Variants in TADA2B observed in about 807,000 individuals in gnomAD.
TADA2B encodes the protein transcriptional adapter 2-beta.
In TADA2B, 13 loss-of-function variants were observed where a neutral mutation model predicts 34.5. The observed-to-expected ratio is 0.38, with a 90% CI of 0.25 to 0.60. The LOEUF is 0.60. Among genes scored for constraint, TADA2B ranks in the 20% least tolerant of loss-of-function variants. The pLI is 0.65. For synonymous variants in TADA2B, 240 were observed against 243.4 expected, an observed-to-expected ratio of 0.99 and a Z score of 0.13; for missense variants, 442 against 575.0, an observed-to-expected ratio of 0.77 and a Z score of 2.37.
intron 1 of TADA2B, among the ~76,000 whole-genome samples, chr4:7,050,697 G>A (rs899287302): frequency 2.0e-5 from 3 of 152,260 alleles, no homozygotes; most frequent in Non-Finnish European, 4.4e-5. Context: ...GCAAAGGCCT[G>A]CGTTCACTGC....
At chr4:7,050,639 G>T (rs1723744363) in intron 1 of TADA2B, among the ~76,000 whole-genome samples, 1 of 152,030 alleles carries the variant, frequency 6.6e-6, no homozygotes. Context: ...CGGGACAGGA[G>T]ATGCTCCGGA....
Position 7,054,047 on chromosome 4 carries a change from C to T in TADA2B, c.271-15C>T. 6.4e-7 allele frequency: 1 copy of T among 1,551,058 alleles called. No individual in the cohort carries two copies. Among genetic ancestry groups the T allele is most frequent in the Non-Finnish European group, 8.7e-7 (1 of 1,144,452 alleles). ...CCCTGATGGTGGAACTAACTTCTGC[C>T]CTTTGTCATCGTAGGAAGATATGGC... On this transcript the variant is annotated splice_polypyrimidine_tract_variant and intron_variant, in intron 1 of 1. Transcript: ENST00000310074.
Position 7,057,772 on chromosome 4 carries a change from C to T in TADA2B, c.*2718C>T, listed in dbSNP as rs1406989697. 8.3e-6 allele frequency: 1 copy of T among 120,088 alleles called. No homozygotes were observed. Among genetic ancestry groups the T allele is most frequent in the African/African-American group, 2.8e-5 (1 of 35,234 alleles). 7.4% of individuals were successfully genotyped at this position (120,088 alleles called of 1,614,324 possible). On this transcript the variant is annotated 3_prime_UTR_variant, in exon 2 of 2. Coordinates refer to ENST00000310074, the MANE Select transcript of TADA2B (RefSeq NM_152293.3). ...ACTACACTCCAGCCTGGTGACAGAGCAAGACTCCATCTCAAAAAAAATCTA... is the reference window on the plus strand; with the variant it reads ...ACTACACTCCAGCCTGGTGACAGAGTAAGACTCCATCTCAAAAAAAATCTA...
At chr4:7,044,961 C>G (rs1467025163) in intron 1 of TADA2B, 2 of 152,282 alleles carry the variant, frequency 1.3e-5, no homozygotes, top group South Asian at 2.1e-4. Flanking sequence ...AGAGAAGATG[C>G]TCCTTTACAA....
At position 7,056,840 on chromosome 4, in the gene TADA2B, G is replaced by A. The variant is rs1197372907; in HGVS notation, c.*1786G>A. 2 of 152,244 alleles carry A rather than the reference G, an allele frequency of 1.3e-5. No homozygotes were observed. Among genetic ancestry groups the A allele is most frequent in the African/African-American group, 4.8e-5 (2 of 41,454 alleles). 9.4% of individuals were successfully genotyped at this position (152,244 alleles called of 1,614,324 possible). Reference sequence around the variant, plus strand: ...TGAACAGTGATGGAGATGGTGCTAAGTTTTTACAGTTGTCTTAGCCCCAGT... The same window carrying A: ...TGAACAGTGATGGAGATGGTGCTAAATTTTTACAGTTGTCTTAGCCCCAGT... On this transcript the variant is annotated 3_prime_UTR_variant, in exon 2 of 2. Coordinates refer to ENST00000310074, the MANE Select transcript of TADA2B (RefSeq NM_152293.3).
chr4:7,044,400 A>G (rs942656505), intron 1 of TADA2B, among the ~76,000 whole-genome samples: 1 of 152,192 alleles, frequency 6.6e-6, no homozygotes, highest in Non-Finnish European at 1.5e-5. Flanking sequence ...CCCACAACCC[A>G]CGACCTTGTG....
chr4:7,048,662 A>T (rs1723694504), intron 1 of TADA2B, among the ~76,000 whole-genome samples: 1 of 152,196 alleles, frequency 6.6e-6, no homozygotes, highest in South Asian at 2.1e-4. Flanking sequence ...AGTGTTGTAC[A>T]GCCATCACCA....
chr4:7,050,793 C>G (rs1044841248), intron 1 of TADA2B, among the ~76,000 whole-genome samples: 1 of 152,256 alleles, frequency 6.6e-6, no homozygotes, highest in African/African-American at 2.4e-5. Flanking sequence ...CAGCGTCCGG[C>G]TTCGCTCTGC....
intron 1 of TADA2B, among the ~76,000 whole-genome samples, chr4:7,049,471 C>T (rs1577215883): frequency 6.6e-6 from 1 of 152,232 alleles, no homozygotes; most frequent in Non-Finnish European, 1.5e-5. Flanking sequence ...AGGTGTCAGT[C>T]ACCTTGAGGG....
At chr4:7,052,439 C>A (rs534850270) in intron 1 of TADA2B, among the ~76,000 whole-genome samples, 1 of 152,206 alleles carries the variant, frequency 6.6e-6, no homozygotes, top group African/African-American at 2.4e-5. Flanking sequence ...GCTCCCTGGC[C>A]CCAAGGTTGT....
At position 7,043,515 on chromosome 4, in the gene TADA2B, G is replaced by A; in HGVS notation, c.-65G>A. 1.0e-6 allele frequency: 1 copy of A among 964,972 alleles called. No homozygotes were observed. Among genetic ancestry groups the A allele is most frequent in the Non-Finnish European group, 1.2e-6 (1 of 812,254 alleles). The allele number at this position is 964,972 out of a possible 1,614,324, so 59.8% of individuals were successfully genotyped here. ...GCGGCGGCGGGTCCCGCGGGCGGCG[G>A]GGCGCTGACGGCCGGGGGCGCGGCG... On this transcript the variant is annotated 5_prime_UTR_variant, in exon 1 of 2. Coordinates refer to ENST00000310074, the MANE Select transcript of TADA2B (RefSeq NM_152293.3).
Position 7,057,772 on chromosome 4 carries a change from C to G in TADA2B, c.*2718C>G, listed in dbSNP as rs1406989697. On this transcript the variant is annotated 3_prime_UTR_variant, in exon 2 of 2. Coordinates refer to ENST00000310074, the MANE Select transcript of TADA2B (RefSeq NM_152293.3). ...ACTACACTCCAGCCTGGTGACAGAGCAAGACTCCATCTCAAAAAAAATCTA... is the reference window on the plus strand; with the variant it reads ...ACTACACTCCAGCCTGGTGACAGAGGAAGACTCCATCTCAAAAAAAATCTA... 8.3e-6 allele frequency: 1 copy of G among 120,092 alleles called. No individual in the cohort carries two copies. Among genetic ancestry groups the G allele is most frequent in the African/African-American group, 2.8e-5 (1 of 35,234 alleles). 7.4% of individuals were successfully genotyped at this position (120,092 alleles called of 1,614,324 possible).
chr4:7,048,480 G>T (rs1427678028), intron 1 of TADA2B, among the ~76,000 whole-genome samples: 2 of 152,208 alleles, frequency 1.3e-5, no homozygotes, highest in South Asian at 4.1e-4. Flanking sequence ...TGATGCGGCC[G>T]CCGTGGGACC....
Position 7,043,546 on chromosome 4 carries a change from G to T in TADA2B, c.-34G>T. ...TGACGGCCGGGGGCGCGGCGGCTGCGGCGGGCCGGGCGGCGGGCGGCGAGC... is the reference window on the plus strand; with the variant it reads ...TGACGGCCGGGGGCGCGGCGGCTGCTGCGGGCCGGGCGGCGGGCGGCGAGC... On this transcript the variant is annotated 5_prime_UTR_variant, in exon 1 of 2. Coordinates refer to ENST00000310074, the MANE Select transcript of TADA2B (RefSeq NM_152293.3). The T allele has an allele frequency of 8.4e-7, 1 of 1,189,130 alleles. No homozygotes were observed. Among genetic ancestry groups the T allele is most frequent in the Non-Finnish European group, 1.0e-6 (1 of 957,524 alleles). 73.7% of individuals were successfully genotyped at this position (1,189,130 alleles called of 1,614,324 possible). A position where few individuals can be genotyped will look rare whatever the true frequency, so the allele number is the denominator to read the frequency against.
In TADA2B at chr4:7,043,687, C is replaced by T. The variant is rs767129180; in HGVS notation, c.108C>T (p.Phe36=). ...ACATCGAGCTGTGCCCCGAGTGCTT[C>T]TCGGCCGGCGCCGAGATCGGCCACC... The part of the protein sequence containing the change: ...CQDIELCPEC[F]SAGAEIGHHR... Residue 36 remains phenylalanine (F), a synonymous_variant, in exon 1 of 2, where the codon TTC becomes TTT. Coordinates refer to ENST00000310074, the MANE Select transcript of TADA2B (RefSeq NM_152293.3). The T allele has an allele frequency of 1.4e-5, 22 of 1,586,860 alleles. No individual in the cohort carries two copies. Among genetic ancestry groups the T allele is most frequent in the Non-Finnish European group, 1.8e-5 (21 of 1,170,290 alleles).
intron 1 of TADA2B, among the ~76,000 whole-genome samples, chr4:7,044,540 C>G (rs1723574295): frequency 6.6e-6 from 1 of 152,100 alleles, no homozygotes; most frequent in Non-Finnish European, 1.5e-5. Context: ...TGGACTGGAT[C>G]CACTTACGCT....
Position 7,055,358 on chromosome 4 carries a change from GTTC to G in TADA2B, c.*309_*311del, listed in dbSNP as rs1343046797. 1.1e-5 allele frequency: 3 copies of G among 278,282 alleles called. No individual in the cohort carries two copies. The highest frequency in any genetic ancestry group is 2.0e-5 in the Non-Finnish European group (3 of 148,714). The allele number at this position is 278,282 out of a possible 1,614,324, so 17.2% of individuals were successfully genotyped here. A position where few individuals can be genotyped will look rare whatever the true frequency, so the allele number is the denominator to read the frequency against. The stretch of plus-strand genomic sequence containing the variant: ...GAGATTGGATCATTTCCTTTTGAGT[GTTC>G]TTCTCTTTGGTACAAAAGCTATTGT... On this transcript the variant is annotated 3_prime_UTR_variant, in exon 2 of 2. Coordinates refer to ENST00000310074, the MANE Select transcript of TADA2B (RefSeq NM_152293.3).
At chr4:7,047,050 A>C (rs1169389903) in intron 1 of TADA2B, among the ~76,000 whole-genome samples, 1 of 152,144 alleles carries the variant, frequency 6.6e-6, no homozygotes, top group Non-Finnish European at 1.5e-5. Flanking sequence ...GTTGGCAAGC[A>C]GTGGCCTAGA....
chr4:7,051,055 C>T lies in TADA2B; in HGVS notation c.271-3007C>T, dbSNP rs538018794. ...CGCACGGGGTGAGTGGGATGATGGG[C>T]GTAGACGTGCTTATCTGCTGTTGTT... On this transcript the variant is annotated intron_variant, in intron 1 of 1. Coordinates refer to ENST00000310074, the MANE Select transcript of TADA2B (RefSeq NM_152293.3). Among the ~76,000 whole-genome samples the T allele has an allele frequency of 1.1e-3, 166 of 152,178 alleles. 1 individual carries two copies. Among genetic ancestry groups the T allele is most frequent in the Middle Eastern group, 6.8e-3 (2 of 294 alleles).
Sources: allele counts gnomAD v4.1 joint callset (sites outside exome capture counted in the v4.1 genomes callset), GRCh38; gene constraint gnomAD v4.1.1; transcripts MANE v1.5; gene names NCBI Gene and HGNC (gene_info 2026-07-23, HGNC 2026-07-21).